The following WWOX variants were observed in gnomAD, a reference collection of about 807,000 sequenced individuals.
The protein encoded by WWOX is WW domain containing oxidoreductase.
In WWOX, 69 loss-of-function variants were observed where a neutral mutation model predicts 46.2. The ratio of observed to expected loss-of-function variants is 1.49; its 90% CI spans 1.23 to 1.82. The LOEUF (loss-of-function observed/expected upper bound fraction) is 1.82. Among genes scored for constraint, WWOX ranks in the 40% most tolerant of loss-of-function variants. The pLI is 0.00. For synonymous variants in WWOX, 359 were observed against 202.6 expected (o/e 1.77, Z -6.56); for missense variants, 919 against 542.6 (o/e 1.69, Z -6.89).
chr16:78,589,964 T>C (rs1419408794), intron 8 of WWOX, among the ~76,000 whole-genome samples: 1 of 152,204 alleles, frequency 6.6e-6, no homozygotes, highest in Non-Finnish European at 1.5e-5. Context: ...TGACAGGTTA[T>C]CTTCTAGTTT....
intron 8 of WWOX, among the ~76,000 whole-genome samples, chr16:78,580,425 T>C (rs2045021199): frequency 6.6e-6 from 1 of 152,186 alleles, no homozygotes; most frequent in South Asian, 2.1e-4. Flanking sequence ...ATTGATTGCC[T>C]CTGTGATTCC....
intron 4 of WWOX, among the ~76,000 whole-genome samples, chr16:78,129,144 C>T (rs1321445429): frequency 6.6e-6 from 1 of 152,036 alleles, no homozygotes; most frequent in Non-Finnish European, 1.5e-5. Flanking sequence ...CTTTTTCCTC[C>T]CAGGGTTAGC....
At chr16:78,217,844 C>G (rs188666286) in intron 5 of WWOX, among the ~76,000 whole-genome samples, 19 of 152,294 alleles carry the variant, frequency 1.2e-4, no homozygotes, top group Non-Finnish European at 2.4e-4. Flanking sequence ...CTGAAGTCAG[C>G]ATATAAGCTG....
chr16:78,677,659 C>G (rs2047633878), intron 8 of WWOX, among the ~76,000 whole-genome samples: 1 of 152,192 alleles, frequency 6.6e-6, no homozygotes, highest in Non-Finnish European at 1.5e-5. Context: ...CATGTGGTGA[C>G]TTTTTCCATC....
At chr16:78,286,102 T>A (rs562125713) in intron 5 of WWOX, among the ~76,000 whole-genome samples, 1 of 152,332 alleles carries the variant, frequency 6.6e-6, no homozygotes, top group East Asian at 1.9e-4. Flanking sequence ...AAAAATCTGC[T>A]AACGGAAATA....
intron 6 of WWOX, among the ~76,000 whole-genome samples, chr16:78,394,875 A>G (rs1384151576): frequency 1.3e-5 from 2 of 152,222 alleles, no homozygotes; most frequent in African/African-American, 2.4e-5. Context: ...TTGGGGGTCA[A>G]CTGACGCTTC....
intron 8 of WWOX, among the ~76,000 whole-genome samples, chr16:78,462,102 G>A (rs942833661): frequency 2.6e-5 from 4 of 152,220 alleles, no homozygotes; most frequent in Admixed American, 2.0e-4. Flanking sequence ...TTAGAATGCT[G>A]CTCTTGAAGG....
chr16:78,989,162 T>A (rs958174354), intron 8 of WWOX, among the ~76,000 whole-genome samples: 16 of 152,282 alleles, frequency 1.1e-4, no homozygotes, highest in Admixed American at 9.8e-4. Context: ...ACCCTTATTG[T>A]ATCTCCCCAG....
chr16:78,494,992 G>T (rs948283298), intron 8 of WWOX, among the ~76,000 whole-genome samples: 5 of 152,150 alleles, frequency 3.3e-5, no homozygotes, highest in Admixed American at 1.3e-4. Context: ...ATGCTGTGGC[G>T]AAACCCAGGG....
chr16:78,697,900 G>A (rs1420183102), intron 8 of WWOX, among the ~76,000 whole-genome samples: 1 of 152,116 alleles, frequency 6.6e-6, no homozygotes, highest in Non-Finnish European at 1.5e-5. Flanking sequence ...AAACTAAGAG[G>A]TTTAGTAATG....
At chr16:78,460,810 C>T (rs2083930712) in intron 8 of WWOX, among the ~76,000 whole-genome samples, 1 of 152,222 alleles carries the variant, frequency 6.6e-6, no homozygotes, top group South Asian at 2.1e-4. Flanking sequence ...TAAATGAATA[C>T]TCTATTTCAG....
intron 7 of WWOX, among the ~76,000 whole-genome samples, chr16:78,431,244 A>G (rs974321002): frequency 6.6e-6 from 1 of 152,232 alleles, no homozygotes; most frequent in Non-Finnish European, 1.5e-5. Context: ...CATCCATGCC[A>G]TGGGTATACT....
In WWOX at chr16:79,089,577, G is replaced by A. The variant is rs924251144; in HGVS notation, c.1057-122031G>A. ...GAACTCCTGACCTCATGATCTGCCC[G>A]CCTCAAAGTCCCAACGTGCTGGGAT... On this transcript the variant is annotated intron_variant, in intron 8 of 8. Transcript: ENST00000566780. 2.0e-5 allele frequency among the ~76,000 whole-genome samples: 3 copies of A among 152,140 alleles called. No homozygotes were observed. In the East Asian group the frequency reaches 5.8e-4, roughly 29 times the overall value.
At chr16:78,444,635 A>G (rs780575318) in intron 8 of WWOX, among the ~76,000 whole-genome samples, 10 of 151,594 alleles carry the variant, frequency 6.6e-5, no homozygotes, top group Non-Finnish European at 1.2e-4. Flanking sequence ...GGTTCAAGCA[A>G]TTCTCCTGCC....
intron 8 of WWOX, chr16:79,004,121 C>T (rs979631562): frequency 6.6e-6 from 1 of 152,196 alleles, no homozygotes; most frequent in Non-Finnish European, 1.5e-5. Flanking sequence ...TGTCTGTTAT[C>T]TCTTTATCAT....
At chr16:78,362,244 G>A (rs62033458) in intron 5 of WWOX, among the ~76,000 whole-genome samples, 9,597 of 152,008 alleles carry the variant, frequency 0.063, 350 homozygotes, top group Middle Eastern at 0.11. Context: ...TGTGTGCCTT[G>A]TCCGTCTTGC....
At chr16:78,773,395 A>G (rs1452902303) in intron 8 of WWOX, among the ~76,000 whole-genome samples, 1 of 152,178 alleles carries the variant, frequency 6.6e-6, no homozygotes, top group Non-Finnish European at 1.5e-5. Context: ...GGTCCCACCC[A>G]TGGGTAAGTC....
At chr16:79,163,870 A>G (rs1226576756) in intron 8 of WWOX, among the ~76,000 whole-genome samples, 1 of 137,712 alleles carries the variant, frequency 7.3e-6, no homozygotes, top group African/African-American at 2.9e-5. Flanking sequence ...AAGCAACAGT[A>G]AGGAAGAGAA....
chr16:78,545,374 T>C (rs1255370390), intron 8 of WWOX, among the ~76,000 whole-genome samples: 1 of 150,736 alleles, frequency 6.6e-6, no homozygotes, highest in Non-Finnish European at 1.5e-5. Flanking sequence ...TTTAATCCAT[T>C]TCTTTTAAAA....
Sources: allele counts gnomAD v4.1 joint callset (sites outside exome capture counted in the v4.1 genomes callset), GRCh38; gene constraint gnomAD v4.1.1; transcripts MANE v1.5; gene names NCBI Gene and HGNC (gene_info 2026-07-23, HGNC 2026-07-21).